The following CNIH3 variants were observed in gnomAD, a reference collection of about 807,000 sequenced individuals.
The protein encoded by CNIH3 is cornichon family AMPA receptor auxiliary protein 3.
Under a neutral mutation model 24.1 loss-of-function variants are expected in CNIH3, and 14 were observed. That is an observed-to-expected ratio of 0.58 (90% CI 0.38 to 0.91). CNIH3 has a LOEUF of 0.91. Ranked by LOEUF, CNIH3 falls within the 40% of genes least tolerant of loss-of-function variation. The probability of loss-of-function intolerance (pLI) is 0.00; values close to 1 mark genes in which losing one functional copy is unlikely to be tolerated. For missense variants in CNIH3, 178 were observed against 196.8 expected (o/e 0.90, Z 0.57); for synonymous variants, 68 against 73.8 (o/e 0.92, Z 0.40).
At chr1:224,434,684 T>TGGCTGC (rs1553364464) in exon 1 of CNIH3, 2 of 875,858 alleles carry the variant, frequency 2.3e-6, no homozygotes, top group Middle Eastern at 5.8e-4. Flanking sequence ...GCCCCGGCAG[T>TGGCTGC]GGCTGCGGCG....
intron 3 of CNIH3, among the ~76,000 whole-genome samples, chr1:224,687,084 C>G (rs1686698649): frequency 1.3e-5 from 2 of 152,166 alleles, no homozygotes. Context: ...CATCAGAGGA[C>G]ATGAGACAGT....
At chr1:224,707,557 C>G (rs1358891907) in intron 3 of CNIH3, among the ~76,000 whole-genome samples, 1 of 151,744 alleles carries the variant, frequency 6.6e-6, no homozygotes, top group Non-Finnish European at 1.5e-5. Flanking sequence ...AATGTGGGTC[C>G]TGGGACGGTC....
At chr1:224,565,002 A>G (rs980622952) in intron 3 of CNIH3, among the ~76,000 whole-genome samples, 8 of 152,182 alleles carry the variant, frequency 5.3e-5, no homozygotes, top group African/African-American at 1.9e-4. Flanking sequence ...CACATCACAA[A>G]TGACCCTAAG....
At chr1:224,685,127 T>C (rs774677897) in intron 3 of CNIH3, among the ~76,000 whole-genome samples, 2 of 152,216 alleles carry the variant, frequency 1.3e-5, no homozygotes, top group Non-Finnish European at 2.9e-5. Flanking sequence ...CTTTGCATGA[T>C]GATGGATGGC....
intron 1 of CNIH3, among the ~76,000 whole-genome samples, chr1:224,665,391 GA>G (rs1685545784): frequency 1.3e-5 from 2 of 152,242 alleles, no homozygotes; most frequent in Non-Finnish European, 2.9e-5. Flanking sequence ...AAAGCATTTT[GA>G]AAAGTTTAAA....
At chr1:224,472,358 A>T (rs1676407140) in intron 1 of CNIH3, among the ~76,000 whole-genome samples, 1 of 152,244 alleles carries the variant, frequency 6.6e-6, no homozygotes, top group African/African-American at 2.4e-5. Context: ...CACAATTCAC[A>T]ATTTCAAAAA....
chr1:224,497,267 G>A (rs559370904), intron 1 of CNIH3, among the ~76,000 whole-genome samples: 1 of 152,212 alleles, frequency 6.6e-6, no homozygotes, highest in Non-Finnish European at 1.5e-5. Context: ...TCTTCCTGGG[G>A]TGATGAAAAT....
chr1:224,637,326 A>C lies in CNIH3; in HGVS notation c.81+20071A>C, dbSNP rs572403189. The stretch of plus-strand genomic sequence containing the variant: ...CCGCACACACATGCAGCCCTAATTC[A>C]GAGTTGTGAGACAGGCAATGTGCTG... On this transcript the variant is annotated intron_variant, in intron 1 of 5. Coordinates refer to ENST00000272133, the MANE Select transcript of CNIH3 (RefSeq NM_152495.2). Among the ~76,000 whole-genome samples the C allele has an allele frequency of 2.6e-5, 4 of 152,260 alleles. No homozygotes were observed. In the South Asian group the frequency reaches 8.3e-4, roughly 32 times the overall value.
chr1:224,654,312 G>T lies in CNIH3; in HGVS notation c.82-26646G>T, dbSNP rs564319557. Among the ~76,000 whole-genome samples the T allele has an allele frequency of 2.1e-3, 314 of 152,268 alleles. 1 individual carries two copies. The highest frequency in any genetic ancestry group is 7.0e-3 in the African/African-American group (292 of 41,542). ...GCAGGAGGATCGCTTGAACCCGGGG[G>T]TGGAGGTTGCAGTGAGCCAAGGTCA... On this transcript the variant is annotated intron_variant, in intron 1 of 5. Coordinates refer to ENST00000272133, the MANE Select transcript of CNIH3 (RefSeq NM_152495.2).
At chr1:224,698,523 T>C (rs148619366) in intron 3 of CNIH3, among the ~76,000 whole-genome samples, 1 of 152,336 alleles carries the variant, frequency 6.6e-6, no homozygotes, top group Non-Finnish European at 1.5e-5. Context: ...AATGACAAAC[T>C]ATATGTCTTC....
At chr1:224,652,690 A>G (rs1031343003) in intron 1 of CNIH3, among the ~76,000 whole-genome samples, 23 of 152,208 alleles carry the variant, frequency 1.5e-4, no homozygotes, top group African/African-American at 4.8e-4. Context: ...TAGAAGGAGC[A>G]GGAAGGACAG....
intron 3 of CNIH3, among the ~76,000 whole-genome samples, chr1:224,699,689 A>G (rs1305411051): frequency 6.6e-6 from 1 of 152,160 alleles, no homozygotes. Context: ...ATGGCCCTAT[A>G]TGGCAGATGC....
intron 1 of CNIH3, among the ~76,000 whole-genome samples, chr1:224,506,260 TGCACGCACACGCGCGC>T (rs1181899138): frequency 7.2e-6 from 1 of 138,426 alleles, no homozygotes; most frequent in Non-Finnish European, 1.5e-5. Flanking sequence ...TACACTCATA[TGCACGCACACGCGCGC>T]GCGCGCGCGC....
intron 3 of CNIH3, among the ~76,000 whole-genome samples, chr1:224,548,149 T>C (rs1679776344): frequency 6.6e-6 from 1 of 151,882 alleles, no homozygotes; most frequent in Admixed American, 6.6e-5. Flanking sequence ...AGTGGGTGCA[T>C]ACCCTCGGAT....
At chr1:224,544,190 TAGTC>T (rs758443468) in intron 2 of CNIH3, among the ~76,000 whole-genome samples, 1 of 152,196 alleles carries the variant, frequency 6.6e-6, no homozygotes, top group Non-Finnish European at 1.5e-5. Flanking sequence ...CATTCAGAAA[TAGTC>T]AGTTCATTCA....
intron 4 of CNIH3, chr1:224,575,275 T>C (rs1274879414): frequency 3.5e-5 from 41 of 1,163,252 alleles, no homozygotes; most frequent in Middle Eastern, 2.7e-4. Context: ...GTCTTCAACT[T>C]TGAACTGAAC....
intron 3 of CNIH3, among the ~76,000 whole-genome samples, chr1:224,551,500 T>A (rs554401441): frequency 6.6e-6 from 1 of 152,256 alleles, no homozygotes; most frequent in South Asian, 2.1e-4. Context: ...CCGAATATTA[T>A]AGAAATATCA....
intron 1 of CNIH3, among the ~76,000 whole-genome samples, chr1:224,461,874 A>ACAT (rs1675924779): frequency 6.6e-6 from 1 of 152,216 alleles, no homozygotes; most frequent in African/African-American, 2.4e-5. Context: ...CTTATTCTGG[A>ACAT]CATATATAAA....
chr1:224,675,567 A>G (rs1206689522), intron 1 of CNIH3, among the ~76,000 whole-genome samples: 1 of 152,266 alleles, frequency 6.6e-6, no homozygotes, highest in Non-Finnish European at 1.5e-5. Context: ...TGCAAATTAC[A>G]TATTTGACAA....
Sources: allele counts gnomAD v4.1 joint callset (sites outside exome capture counted in the v4.1 genomes callset), GRCh38; gene constraint gnomAD v4.1.1; transcripts MANE v1.5; gene names NCBI Gene and HGNC (gene_info 2026-07-23, HGNC 2026-07-21).